NXPE3: variants seen among roughly 807,000 people sequenced by gnomAD.
The protein encoded by NXPE3 is NXPE family member 3.
A neutral mutation model predicts 46.1 loss-of-function variants in NXPE3; 26 were observed. The observed-to-expected ratio is 0.56, with a 90% confidence interval of 0.41 to 0.78. The LOEUF is 0.78. Among genes scored for constraint, NXPE3 ranks in the 30% least tolerant of loss-of-function variants. The pLI is 0.00. For synonymous variants in NXPE3, 272 were observed against 257.9 expected (o/e 1.05, Z -0.52); for missense variants, 620 against 686.0 (o/e 0.90, Z 1.07).
intron 4 of NXPE3, among the ~76,000 whole-genome samples, chr3:101,800,075 T>G (rs1941054211): frequency 6.6e-6 from 1 of 152,166 alleles, no homozygotes; most frequent in South Asian, 2.1e-4. Context: ...TCTGCTATCA[T>G]GTTTATTATT....
At chr3:101,808,069 A>C (rs1463322040) in intron 6 of NXPE3, among the ~76,000 whole-genome samples, 5 of 152,184 alleles carry the variant, frequency 3.3e-5, no homozygotes, top group Admixed American at 2.0e-4. Context: ...AACCTGATAG[A>C]ATTGCAAATT....
chr3:101,794,124 AGTT>A (rs935544785), intron 4 of NXPE3, among the ~76,000 whole-genome samples: 2 of 144,716 alleles, frequency 1.4e-5, no homozygotes, highest in Non-Finnish European at 3.0e-5. Context: ...TTTTTTTTTC[AGTT>A]GTTTCATGTG....
chr3:101,797,470 T>A (rs1225783055), intron 4 of NXPE3, among the ~76,000 whole-genome samples: 1 of 145,142 alleles, frequency 6.9e-6, no homozygotes, highest in Non-Finnish European at 1.5e-5. Context: ...CATGTGCACA[T>A]TGTGCAGGTT....
chr3:101,796,754 T>C (rs1940850962), intron 4 of NXPE3, among the ~76,000 whole-genome samples: 1 of 152,182 alleles, frequency 6.6e-6, no homozygotes, highest in African/African-American at 2.4e-5. Flanking sequence ...AGTGAAAATG[T>C]GTGTATGTTA....
At chr3:101,786,789 A>C (rs983179461) in intron 4 of NXPE3, among the ~76,000 whole-genome samples, 1 of 152,224 alleles carries the variant, frequency 6.6e-6, no homozygotes, top group Non-Finnish European at 1.5e-5. Context: ...TAAATAACTA[A>C]CATAGAATTT....
At chr3:101,793,321 A>G (rs1940623079) in intron 4 of NXPE3, among the ~76,000 whole-genome samples, 1 of 152,118 alleles carries the variant, frequency 6.6e-6, no homozygotes, top group African/African-American at 2.4e-5. Flanking sequence ...GAGAGGTGAC[A>G]TGCTTTTCTT....
chr3:101,782,535 C>G (rs548465218), intron 2 of NXPE3, 125 bp from the exon 3 acceptor site: 115 of 152,172 alleles, frequency 7.6e-4, no homozygotes, highest in African/African-American at 2.7e-3. Flanking sequence ...AAAAATCTTT[C>G]AGTTTAAGTT....
Position 101,823,535 on chromosome 3 carries a change from G to A in NXPE3, c.*1581G>A, listed in dbSNP as rs1185490434. 6.6e-6 allele frequency: 1 copy of A among 152,438 alleles called. No homozygotes were observed. The highest frequency in any genetic ancestry group is 2.1e-4 in the South Asian group (1 of 4,834). The allele number at this position is 152,438 out of a possible 1,614,324, so 9.4% of individuals were successfully genotyped here. On this transcript the variant is annotated 3_prime_UTR_variant, in exon 8 of 8. Coordinates refer to ENST00000273347, the MANE Select transcript of NXPE3 (RefSeq NM_145037.4). The stretch of plus-strand genomic sequence containing the variant: ...CAAGCCTGTAATCCCAGCACTTTGG[G>A]AGGCCAGGCAGGAGGATTGCTTGAG...
intron 4 of NXPE3, among the ~76,000 whole-genome samples, chr3:101,787,908 G>A (rs1560038643): frequency 6.6e-6 from 1 of 152,138 alleles, no homozygotes; most frequent in Non-Finnish European, 1.5e-5. Flanking sequence ...TTTGGAATAG[G>A]TACCCGCAAA....
intron 5 of NXPE3, among the ~76,000 whole-genome samples, chr3:101,802,342 A>T (rs593666): frequency 2.6e-5 from 4 of 152,114 alleles, no homozygotes; most frequent in Non-Finnish European, 5.9e-5. Flanking sequence ...TAAGGGTCAG[A>T]TGTGGTGACT....
In NXPE3 at chr3:101,801,549, C is replaced by A. The variant is rs749845969; in HGVS notation, c.408C>A (p.Pro136=). 6.2e-7 allele frequency: 1 copy of A among 1,614,148 alleles called. No homozygotes were observed. The highest frequency in any genetic ancestry group is 8.5e-7 in the Non-Finnish European group (1 of 1,180,034). ...ATGTGCAGGATTTTCAAAGAAAGCCCAAGAAGTATGGTGGAGACTACCTGC... is the reference window on the plus strand; with the variant it reads ...ATGTGCAGGATTTTCAAAGAAAGCCAAAGAAGTATGGTGGAGACTACCTGC... ...LVHVQDFQRK[P]KKYGGDYLQA... The change falls in exon 5 of 8, where the codon CCC becomes CCA. Residue 136 remains proline, a synonymous_variant. Transcript: ENST00000273347.
Position 101,824,774 on chromosome 3 carries a change from A to G in NXPE3, c.*2820A>G, listed in dbSNP as rs1273852799. Reference sequence around the variant, plus strand: ...TTTTCTTGTCGTGAAAGAACTTGACATTTCCTCAAGGATTTATAAAGGAGG... The same window carrying G: ...TTTTCTTGTCGTGAAAGAACTTGACGTTTCCTCAAGGATTTATAAAGGAGG... On this transcript the variant is annotated 3_prime_UTR_variant, in exon 8 of 8. Coordinates refer to ENST00000273347, the MANE Select transcript of NXPE3 (RefSeq NM_145037.4). 1.3e-5 allele frequency: 2 copies of G among 152,174 alleles called. No homozygotes were observed. Among genetic ancestry groups the G allele is most frequent in the African/African-American group, 4.8e-5 (2 of 41,430 alleles). The allele number at this position is 152,174 out of a possible 1,614,324, so 9.4% of individuals were successfully genotyped here.
At chr3:101,811,604 G>A (rs139281074) in intron 6 of NXPE3, among the ~76,000 whole-genome samples, 3 of 152,242 alleles carry the variant, frequency 2.0e-5, no homozygotes, top group Middle Eastern at 3.4e-3. Context: ...AGTTGGAAAT[G>A]TGGAGTCAGA....
intron 4 of NXPE3, among the ~76,000 whole-genome samples, chr3:101,791,820 C>T (rs986370645): frequency 1.4e-5 from 1 of 73,206 alleles, no homozygotes; most frequent in Non-Finnish European, 3.4e-5. Context: ...AATAAGATTG[C>T]TGGTGGAATC....
At chr3:101,788,829 G>A (rs932304678) in intron 4 of NXPE3, among the ~76,000 whole-genome samples, 14 of 152,004 alleles carry the variant, frequency 9.2e-5, no homozygotes, top group African/African-American at 2.9e-4. Flanking sequence ...TTGGCCAGGC[G>A]GGTCTTGAAC....
intron 4 of NXPE3, among the ~76,000 whole-genome samples, chr3:101,796,780 G>A (rs1437650564): frequency 6.6e-6 from 1 of 152,072 alleles, no homozygotes; most frequent in African/African-American, 2.4e-5. Context: ...AAATCAGAGG[G>A]GAAAAATACA....
At chr3:101,798,291 A>G (rs775414563) in intron 4 of NXPE3, among the ~76,000 whole-genome samples, 4 of 152,202 alleles carry the variant, frequency 2.6e-5, no homozygotes, top group Non-Finnish European at 4.4e-5. Flanking sequence ...TAATTTGAAC[A>G]TTGAATTTAA....
intron 4 of NXPE3, among the ~76,000 whole-genome samples, chr3:101,796,199 C>G (rs1431537519): frequency 6.6e-6 from 1 of 152,192 alleles, no homozygotes; most frequent in African/African-American, 2.4e-5. Context: ...GGTCAGCAAA[C>G]AGCATTGCTA....
At chr3:101,794,605 T>A (rs1463721427) in intron 4 of NXPE3, among the ~76,000 whole-genome samples, 2 of 152,224 alleles carry the variant, frequency 1.3e-5, no homozygotes, top group Non-Finnish European at 2.9e-5. Context: ...TGGCACTTAC[T>A]GCATTGGTTT....
Sources: allele counts gnomAD v4.1 joint callset (sites outside exome capture counted in the v4.1 genomes callset), GRCh38; gene constraint gnomAD v4.1.1; transcripts MANE v1.5; gene names NCBI Gene and HGNC (gene_info 2026-07-23, HGNC 2026-07-21).